Variants in GRID2 observed in about 807,000 individuals in gnomAD.
GRID2 encodes glutamate ionotropic receptor delta type subunit 2.
GRID2 carries 33 observed loss-of-function variants against 114.8 expected under a neutral mutation model. The observed-to-expected ratio is 0.29, with a 90% confidence interval of 0.22 to 0.38. The LOEUF is 0.38. Among genes scored for constraint, GRID2 ranks in the 10% least tolerant of loss-of-function variants. GRID2 has a pLI of 1.00. For missense variants in GRID2, 1,184 were observed against 1,257.7 expected, an observed-to-expected ratio of 0.94 and a Z score of 0.89; for synonymous variants, 505 against 449.9, an observed-to-expected ratio of 1.12 and a Z score of -1.55.
In GRID2 at chr4:92,384,610, T is replaced by TATA. The variant is rs1337740747; in HGVS notation, c.88+79867_88+79869dup. ...ATATTATATATAACATAATATATAA[T>TATA]ATATGTTATATATTATATATAATAT... On this transcript the variant is annotated intron_variant, in intron 1 of 15. Coordinates refer to ENST00000282020, the MANE Select transcript of GRID2 (RefSeq NM_001510.4). Among the ~76,000 whole-genome samples, 262 of 46,074 alleles carry TATA rather than the reference T, an allele frequency of 5.7e-3. 15 individuals carry two copies. Among genetic ancestry groups the TATA allele is most frequent in the Middle Eastern group, 7.6e-3 (1 of 132 alleles). 30.2% of individuals were successfully genotyped at this position (46,074 alleles called of 152,430 possible). A position where few individuals can be genotyped will look rare whatever the true frequency, so the allele number is the denominator to read the frequency against.
chr4:93,388,932 C>T (rs1243905966), intron 8 of GRID2, among the ~76,000 whole-genome samples: 2 of 152,138 alleles, frequency 1.3e-5, no homozygotes, highest in Non-Finnish European at 2.9e-5. Flanking sequence ...GATATCTGAG[C>T]TCCCTTTGAG....
intron 2 of GRID2, among the ~76,000 whole-genome samples, chr4:93,055,566 T>C (rs1177035751): frequency 1.3e-5 from 2 of 151,878 alleles, no homozygotes; most frequent in Non-Finnish European, 2.9e-5. Context: ...TGATAATAAA[T>C]TGGATAGCCT....
chr4:92,685,285 A>G (rs1357387933), intron 2 of GRID2, among the ~76,000 whole-genome samples: 3 of 152,092 alleles, frequency 2.0e-5, no homozygotes, highest in Non-Finnish European at 4.4e-5. Context: ...AAGATGCATA[A>G]GATAGTCTTG....
At position 93,576,866 on chromosome 4, in the gene GRID2, T is replaced by C. The variant is rs184156599; in HGVS notation, c.2194-49403T>C. 1.3e-3 allele frequency among the ~76,000 whole-genome samples: 193 copies of C among 152,016 alleles called. 1 individual carries two copies. The highest frequency in any genetic ancestry group is 2.1e-3 in the Non-Finnish European group (140 of 67,954). On this transcript the variant is annotated intron_variant, in intron 13 of 15. Transcript: ENST00000282020. ...TGGTTGGGAGGGGCAGGAGATCAGG[T>C]AAAAAAGGGTGAAGAAAAGAAAGAG...
intron 1 of GRID2, among the ~76,000 whole-genome samples, chr4:92,336,458 A>G (rs1362431316): frequency 1.3e-5 from 2 of 152,156 alleles, no homozygotes; most frequent in Non-Finnish European, 2.9e-5. Flanking sequence ...AAAGGTTAAG[A>G]AGCAATCGTT....
At chr4:92,798,259 G>T (rs111753568) in intron 2 of GRID2, among the ~76,000 whole-genome samples, 5 of 151,886 alleles carry the variant, frequency 3.3e-5, no homozygotes, top group Non-Finnish European at 7.4e-5. Context: ...TCTAATAACT[G>T]TATTTTAATT....
intron 4 of GRID2, among the ~76,000 whole-genome samples, chr4:93,137,687 G>A (rs150933209): frequency 3.5e-4 from 54 of 152,174 alleles, no homozygotes; most frequent in African/African-American, 1.2e-3. Flanking sequence ...TATATTGTAC[G>A]TGAAACAAAT....
chr4:92,540,283 A>T (rs1310214731), intron 1 of GRID2, among the ~76,000 whole-genome samples: 8 of 152,230 alleles, frequency 5.3e-5, no homozygotes, highest in Non-Finnish European at 1.0e-4. Context: ...AACAAAAGCC[A>T]AAATTGACAA....
chr4:92,660,781 C>G (rs887862009), intron 2 of GRID2, among the ~76,000 whole-genome samples: 2 of 151,042 alleles, frequency 1.3e-5, no homozygotes, highest in Non-Finnish European at 1.5e-5. Context: ...GTGATTTCTT[C>G]TATTGAACTA....
At chr4:93,790,875 C>T (rs1431385136) in intron 1 of GRID2, among the ~76,000 whole-genome samples, 2 of 152,070 alleles carry the variant, frequency 1.3e-5, no homozygotes, top group Non-Finnish European at 2.9e-5. Flanking sequence ...TCCTCTCCCA[C>T]AAAACAGAAG....
At chr4:93,738,546 A>C (rs1419414983) in intron 14 of GRID2, among the ~76,000 whole-genome samples, 1 of 152,128 alleles carries the variant, frequency 6.6e-6, no homozygotes, top group Non-Finnish European at 1.5e-5. Flanking sequence ...TGCCTAATAG[A>C]CTTAATGATA....
intron 1 of GRID2, among the ~76,000 whole-genome samples, chr4:93,781,367 G>T (rs945903476): frequency 1.4e-4 from 21 of 151,630 alleles, no homozygotes; most frequent in Admixed American, 1.3e-4. Flanking sequence ...AGGGGCTGCG[G>T]TGAGACCTGC....
Position 93,556,835 on chromosome 4 carries a change from C to G in GRID2, c.2193+41424C>G, listed in dbSNP as rs1002539448. Among the ~76,000 whole-genome samples, 5 of 152,176 alleles carry G rather than the reference C, an allele frequency of 3.3e-5. No individual in the cohort carries two copies. In the East Asian group the frequency reaches 9.7e-4, roughly 29 times the overall value. ...TAGAAGGACAAACTGTTAAGGGCAG[C>G]CAGAGAGAAAGGTTGGGTTACCCAC... On this transcript the variant is annotated intron_variant, in intron 13 of 15. Transcript: ENST00000282020.
chr4:92,970,665 A>G (rs1753448596), intron 2 of GRID2, among the ~76,000 whole-genome samples: 1 of 151,984 alleles, frequency 6.6e-6, no homozygotes, highest in Non-Finnish European at 1.5e-5. Context: ...AAATAGTGAG[A>G]AACTGTGTTT....
Position 93,455,786 on chromosome 4 carries a change from A to G in GRID2, c.1670A>G (p.Asp557Gly). 1.9e-6 allele frequency: 3 copies of G among 1,613,458 alleles called. No individual in the cohort carries two copies. The highest frequency in any genetic ancestry group is 2.5e-6 in the Non-Finnish European group (3 of 1,179,460). ...VLLRRAEKTV[D>G]MFACLAPFDL... ...CTTCGAAGGGCTGAAAAGACAGTGG[A>G]TATGTTTGCCTGTCTTGCACCATTT... Residue 557 changes from aspartate to glycine, a missense_variant, in exon 11 of 16, where the codon GAT becomes GGT. This residue lies in a region of GRID2 where 717 missense variants were observed against 796.9 expected (regional missense o/e 0.90). Coordinates refer to ENST00000282020, the MANE Select transcript of GRID2 (RefSeq NM_001510.4).
intron 8 of GRID2, among the ~76,000 whole-genome samples, chr4:93,287,356 A>G (rs985069418): frequency 6.6e-6 from 1 of 152,212 alleles, no homozygotes; most frequent in African/African-American, 2.4e-5. Context: ...CAGTGATAGT[A>G]GAAGAACTGG....
intron 1 of GRID2, among the ~76,000 whole-genome samples, chr4:92,487,003 TCCTC>T (rs928510268): frequency 2.6e-4 from 40 of 152,152 alleles, no homozygotes; most frequent in African/African-American, 8.2e-4. Flanking sequence ...TTTATGTTCT[TCCTC>T]CCTTAGCCTC....
chr4:93,158,642 C>A (rs1481851924), intron 4 of GRID2, among the ~76,000 whole-genome samples: 1 of 151,712 alleles, frequency 6.6e-6, no homozygotes, highest in Non-Finnish European at 1.5e-5. Flanking sequence ...CACACAAATA[C>A]CTACATCTAG....
At chr4:93,425,145 C>A (rs1039142984) in intron 10 of GRID2, among the ~76,000 whole-genome samples, 1 of 152,094 alleles carries the variant, frequency 6.6e-6, no homozygotes, top group Non-Finnish European at 1.5e-5. Flanking sequence ...AACATCTTAT[C>A]ATCTCAGAAT....
Sources: allele counts gnomAD v4.1 joint callset (sites outside exome capture counted in the v4.1 genomes callset), GRCh38; gene constraint gnomAD v4.1.1; regional missense constraint gnomAD v4.1.1; transcripts MANE v1.5; gene names NCBI Gene and HGNC (gene_info 2026-07-23, HGNC 2026-07-21).